The following WDR62 variants were observed in gnomAD, a reference collection of about 807,000 sequenced individuals.
The protein encoded by WDR62 is WD repeat domain 62, also known as WD repeat-containing protein 62.
A neutral mutation model predicts 160.6 loss-of-function variants in WDR62; 112 were observed. That is an observed-to-expected ratio of 0.70 (90% CI 0.60 to 0.82). WDR62 has a LOEUF of 0.82. Ranked by LOEUF, WDR62 falls within the 40% of genes least tolerant of loss-of-function variation. WDR62 has a pLI of 0.00. For missense variants in WDR62, 1,819 were observed against 1,983.8 expected, an observed-to-expected ratio of 0.92 and a Z score of 1.58; for synonymous variants, 792 against 815.1, an observed-to-expected ratio of 0.97 and a Z score of 0.48.
At chr19:36,098,044 T>C (rs1184152075) in intron 21 of WDR62, among the ~76,000 whole-genome samples, 2 of 151,968 alleles carry the variant, frequency 1.3e-5, no homozygotes, top group African/African-American at 4.8e-5. Flanking sequence ...CCTATACGTG[T>C]AAAAGCCACG....
intron 3 of WDR62, 142 bp from the exon 4 acceptor site, chr19:36,065,816 G>T: frequency 1.2e-6 from 1 of 826,326 alleles, no homozygotes; most frequent in Non-Finnish European, 2.1e-6. Flanking sequence ...TGGCTCTGTG[G>T]GAGCTGCTTG....
Position 36,084,676 on chromosome 19 carries a change from A to G in WDR62, c.1574A>G (p.Asp525Gly). 1 of 1,613,828 alleles carries G rather than the reference A, an allele frequency of 6.2e-7. No homozygotes were observed. Among genetic ancestry groups the G allele is most frequent in the Non-Finnish European group, 8.5e-7 (1 of 1,179,972 alleles). The change falls in exon 12 of 32, where the codon GAC becomes GGC. Residue 525 changes from aspartate to glycine, a missense_variant. Physicochemically the swap from Asp to Gly is moderately conservative, Grantham distance 94 (BLOSUM62 -1). Around this residue, in one of 3 missense-constraint regions of WDR62, gnomAD observed 934 missense variants for 1,157.2 expected, o/e 0.81. Transcript: ENST00000401500. ...NLRIHELHFM[D>G]ELVKVEAHDA... The stretch of plus-strand genomic sequence containing the variant: ...AGGATCCACGAGCTGCACTTCATGG[A>G]CGAGCTGGTCAAGGTGGAGGCCCAT...
intron 19 of WDR62, among the ~76,000 whole-genome samples, chr19:36,093,134 G>T (rs1301608599): frequency 6.6e-6 from 1 of 152,212 alleles, no homozygotes; most frequent in Non-Finnish European, 1.5e-5. Flanking sequence ...ACTGCACCCG[G>T]CTATGAGAAG....
At chr19:36,072,738 G>A (rs1215040617) in intron 8 of WDR62, among the ~76,000 whole-genome samples, 5 of 152,130 alleles carry the variant, frequency 3.3e-5, no homozygotes, top group Admixed American at 6.6e-5. Context: ...TGTAGTAGTC[G>A]GGCTCACAGC....
At chr19:36,079,956 C>T (rs1461458949) in intron 9 of WDR62, among the ~76,000 whole-genome samples, 1 of 152,136 alleles carries the variant, frequency 6.6e-6, no homozygotes, top group Non-Finnish European at 1.5e-5. Context: ...CTATCATCTT[C>T]CCAGTTCTCA....
At chr19:36,064,670 C>T (rs1217193823) in intron 3 of WDR62, among the ~76,000 whole-genome samples, 4 of 151,350 alleles carry the variant, frequency 2.6e-5, no homozygotes, top group Non-Finnish European at 5.9e-5. Context: ...CTCTGCCTCC[C>T]GGGTTCAAGC....
At chr19:36,059,013 A>C in intron 2 of WDR62, 142 bp downstream of exon 2, 1 of 754,928 alleles carries the variant, frequency 1.3e-6, no homozygotes, top group South Asian at 1.5e-5. Context: ...AGAGCTGTGG[A>C]GAGGATTCCA....
chr19:36,106,657 G>C (rs1415261729), downstream of WDR62, among the ~76,000 whole-genome samples: 2 of 152,228 alleles, frequency 1.3e-5, no homozygotes, highest in Non-Finnish European at 2.9e-5. Context: ...AGCCACACGT[G>C]ATCTGTGTGG....
chr19:36,067,561 CAG>C (rs1384078901), intron 6 of WDR62, 118 bp downstream of exon 6: 60 of 1,444,124 alleles, frequency 4.2e-5, no homozygotes, highest in African/African-American at 1.4e-4. Context: ...TTTGGCCTCT[CAG>C]GGGCCCAGCT....
Position 36,091,304 on chromosome 19 carries a change from C to A in WDR62, c.2139C>A (p.Gly713=). 1 of 1,614,006 alleles carries A rather than the reference C, an allele frequency of 6.2e-7. No individual in the cohort carries two copies. Among genetic ancestry groups the A allele is most frequent in the Non-Finnish European group, 8.5e-7 (1 of 1,179,988 alleles). The change falls in exon 17 of 32, where the codon GGC becomes GGA. Residue 713 remains glycine (G), a synonymous_variant. Coordinates refer to ENST00000401500, the MANE Select transcript of WDR62 (RefSeq NM_001083961.2). ...GCGAGTGCATTGCCAAGATGTTTGGCCATTCAGGTGGGTGTGCCTCTCTGC... is the reference window on the plus strand; with the variant it reads ...GCGAGTGCATTGCCAAGATGTTTGGACATTCAGGTGGGTGTGCCTCTCTGC... The part of the protein sequence containing the change: ...YSGECIAKMF[G]HSEIITSMKF...
chr19:36,094,467 T>C (rs1972833239), intron 20 of WDR62, among the ~76,000 whole-genome samples: 1 of 151,458 alleles, frequency 6.6e-6, no homozygotes, highest in Admixed American at 6.6e-5. Flanking sequence ...GACAGGAAAA[T>C]TGCTTGAACC....
At chr19:36,097,576 G>T (rs2145832896) in intron 21 of WDR62, among the ~76,000 whole-genome samples, 1 of 152,086 alleles carries the variant, frequency 6.6e-6, no homozygotes, top group African/African-American at 2.4e-5. Context: ...GTGAGATCCT[G>T]TCTCAAAAAA....
Position 36,066,033 on chromosome 19 carries a change from C to CT in WDR62, c.390+19dup. 2.5e-6 allele frequency: 4 copies of CT among 1,613,790 alleles called. No homozygotes were observed. Among genetic ancestry groups the CT allele is most frequent in the Non-Finnish European group, 3.4e-6 (4 of 1,179,880 alleles). On this transcript the variant is annotated intron_variant, in intron 4 of 31. Coordinates refer to ENST00000401500, the MANE Select transcript of WDR62 (RefSeq NM_001083961.2). ...CAGGGGAGGTGAGTCGTGATCGTGA[C>CT]TGAGTGGGAGTCGGGGGCTGGGGGG...
intron 21 of WDR62, 23 bp from the exon 22 acceptor site, chr19:36,099,376 C>T: frequency 6.2e-7 from 1 of 1,609,012 alleles, no homozygotes; most frequent in Non-Finnish European, 8.5e-7. Context: ...AGCCAGTTGC[C>T]TGACTGTCCG....
intron 19 of WDR62, among the ~76,000 whole-genome samples, chr19:36,093,511 G>A (rs1972763531): frequency 6.6e-6 from 1 of 152,112 alleles, no homozygotes. Flanking sequence ...GGGTGTGTCT[G>A]TTTTTGCCAT....
chr19:36,081,966 C>A, intron 10 of WDR62: 1 of 400,398 alleles, frequency 2.5e-6, no homozygotes, highest in Non-Finnish European at 4.9e-6. Flanking sequence ...GGGCAGAATG[C>A]TGGCGAGAGC....
Position 36,069,264 on chromosome 19 carries a change from ACTTCT to A in WDR62, c.882+1256_882+1260del, listed in dbSNP as rs564613909. Among the ~76,000 whole-genome samples the A allele has an allele frequency of 6.8e-3, 1,009 of 148,374 alleles. 12 individuals are homozygous for A. The highest frequency in any genetic ancestry group is 0.018 in the African/African-American group (737 of 40,034). On this transcript the variant is annotated intron_variant, in intron 7 of 31. Transcript: ENST00000401500. ...CAGCTGCCGGGCGGAGGGGCTCCTCACTTCTCAGACGGGGCGGCTGCCGGGCGGAG... is the reference window on the plus strand; with the variant it reads ...CAGCTGCCGGGCGGAGGGGCTCCTCACAGACGGGGCGGCTGCCGGGCGGAG...
downstream of WDR62, among the ~76,000 whole-genome samples, chr19:36,107,828 C>T (rs1251497053): frequency 6.6e-6 from 1 of 152,058 alleles, no homozygotes; most frequent in Non-Finnish European, 1.5e-5. Context: ...ACTTCTTAAC[C>T]AGGATAAACC....
intron 7 of WDR62, among the ~76,000 whole-genome samples, chr19:36,070,009 CGTGGGG>C (rs1971204563): frequency 8.9e-6 from 1 of 112,290 alleles, no homozygotes; most frequent in African/African-American, 4.1e-5. Flanking sequence ...AGAGGGAGAC[CGTGGGG>C]AGAGGGAGAG....
Sources: allele counts gnomAD v4.1 joint callset (sites outside exome capture counted in the v4.1 genomes callset), GRCh38; gene constraint gnomAD v4.1.1; regional missense constraint gnomAD v4.1.1; transcripts MANE v1.5; gene names NCBI Gene and HGNC (gene_info 2026-07-23, HGNC 2026-07-21).